TET1: variants seen among roughly 807,000 people sequenced by gnomAD.
TET1 encodes the protein methylcytosine dioxygenase TET1.
Under a neutral mutation model 148.7 loss-of-function variants are expected in TET1, and 13 were observed. The ratio of observed to expected loss-of-function variants is 0.09; its 90% CI spans 0.06 to 0.14. TET1 has a LOEUF of 0.14. Among genes scored for constraint, TET1 ranks in the 10% least tolerant of loss-of-function variants. The probability of loss-of-function intolerance (pLI) is 1.00; values close to 1 mark genes in which losing one functional copy is unlikely to be tolerated. For synonymous variants in TET1, 907 were observed against 937.2 expected (o/e 0.97, Z 0.59); for missense variants, 2,182 against 2,553.8 (o/e 0.85, Z 3.14).
intron 4 of TET1, among the ~76,000 whole-genome samples, chr10:68,648,072 A>T (rs924773218): frequency 6.6e-6 from 1 of 152,228 alleles, no homozygotes; most frequent in African/African-American, 2.4e-5. Flanking sequence ...AAGAATAACC[A>T]GTGTGCTAAC....
rs765482801 is a variant in TET1 at position 68,645,396 on chromosome 10, G to A, written c.2667G>A (p.Glu889=). 4.3e-6 allele frequency: 7 copies of A among 1,614,058 alleles called. No individual in the cohort carries two copies. Among genetic ancestry groups the A allele is most frequent in the Non-Finnish European group, 5.9e-6 (7 of 1,180,040 alleles). Residue 889 remains glutamate, a synonymous_variant, in exon 4 of 12, where the codon GAG becomes GAA. Coordinates refer to ENST00000373644, the MANE Select transcript of TET1 (RefSeq NM_030625.3). The stretch of plus-strand genomic sequence containing the variant: ...TGAAAGATAGGAGATTAACATTGGA[G>A]CAAGTGGTAGCCATAGAGGCCCTGA... ...SLMKDRRLTL[E]QVVAIEALTQ... is the part of the protein sequence containing the mutation.
chr10:68,589,308 T>TTCATTA (rs2053893405), intron 2 of TET1, among the ~76,000 whole-genome samples: 1 of 152,156 alleles, frequency 6.6e-6, no homozygotes, highest in South Asian at 2.1e-4. Context: ...GATTATCAAT[T>TTCATTA]TCATTATCAC....
intron 2 of TET1, among the ~76,000 whole-genome samples, chr10:68,594,899 A>G: frequency 6.6e-6 from 1 of 151,566 alleles, no homozygotes; most frequent in African/African-American, 2.4e-5. Context: ...GAATCCCTTG[A>G]ACCCGGGAGG....
At chr10:68,665,576 GA>G in intron 6 of TET1, among the ~76,000 whole-genome samples, 1 of 152,130 alleles carries the variant, frequency 6.6e-6, no homozygotes, top group South Asian at 2.1e-4. Flanking sequence ...GGAATATCCA[GA>G]AAAGGCACAA....
chr10:68,660,173 C>G (rs757639109), intron 6 of TET1, among the ~76,000 whole-genome samples: 35 of 152,132 alleles, frequency 2.3e-4, no homozygotes, highest in South Asian at 1.0e-3. Context: ...ACGAATCACC[C>G]TATTCCCTTT....
At chr10:68,632,772 A>T (rs2054593549) in intron 3 of TET1, 2 of 1,491,628 alleles carry the variant, frequency 1.3e-6, no homozygotes. Flanking sequence ...CGAAGTTAAG[A>T]TCAACCACAT....
intron 3 of TET1, among the ~76,000 whole-genome samples, chr10:68,627,499 G>T (rs2054502483): frequency 6.6e-6 from 1 of 152,178 alleles, no homozygotes; most frequent in African/African-American, 2.4e-5. Context: ...GGGAGGCTGA[G>T]TTAGGAGAAT....
chr10:68,609,096 C>T (rs550190243), intron 3 of TET1, among the ~76,000 whole-genome samples: 6 of 152,180 alleles, frequency 3.9e-5, no homozygotes, highest in African/African-American at 1.4e-4. Flanking sequence ...CTACTGGGCT[C>T]ACGTGATCTT....
chr10:68,652,732 C>T (rs1169618960), intron 6 of TET1, 138 bp downstream of exon 6: 11 of 574,620 alleles, frequency 1.9e-5, no homozygotes, highest in African/African-American at 3.8e-5. Context: ...TTTGTCGCCC[C>T]GGCTGGATTG....
chr10:68,625,051 G>A (rs1403649226), intron 3 of TET1, among the ~76,000 whole-genome samples: 12 of 152,146 alleles, frequency 7.9e-5, no homozygotes, highest in Admixed American at 7.9e-4. Context: ...CTTACTGTAT[G>A]TTCTCTTACA....
At chr10:68,612,605 G>C (rs558209303) in intron 3 of TET1, among the ~76,000 whole-genome samples, 1 of 151,954 alleles carries the variant, frequency 6.6e-6, no homozygotes, top group South Asian at 2.1e-4. Context: ...TATTCTATAT[G>C]TATGGGGGTT....
chr10:68,602,540 T>A (rs2132879877), intron 3 of TET1, among the ~76,000 whole-genome samples: 1 of 152,332 alleles, frequency 6.6e-6, no homozygotes, highest in East Asian at 1.9e-4. Flanking sequence ...CTGCCTTGGC[T>A]AGGAAGTAGA....
intron 7 of TET1, among the ~76,000 whole-genome samples, chr10:68,670,808 G>A (rs1043449924): frequency 2.0e-5 from 3 of 151,996 alleles, no homozygotes; most frequent in African/African-American, 7.2e-5. Flanking sequence ...GCTAAGTTAC[G>A]TATCAGGCAT....
chr10:68,654,582 A>T (rs1469884692), intron 6 of TET1, among the ~76,000 whole-genome samples: 1 of 152,188 alleles, frequency 6.6e-6, no homozygotes, highest in Admixed American at 6.5e-5. Flanking sequence ...GTGCCTCTGC[A>T]CTCCAGCCTG....
At position 68,641,305 on chromosome 10, in the gene TET1, C is replaced by T. The variant is rs376278160; in HGVS notation, c.1969-3393C>T. Among the ~76,000 whole-genome samples, 9 of 151,718 alleles carry T rather than the reference C, an allele frequency of 5.9e-5. No individual in the cohort carries two copies. The East Asian group carries it at 1.4e-3, about 23-fold the overall frequency. On this transcript the variant is annotated intron_variant, in intron 3 of 11. Coordinates refer to ENST00000373644, the MANE Select transcript of TET1 (RefSeq NM_030625.3). ...GCAACCTCTACCTCCTGGGTTCAAGCGATTCTCCTGCCTGAGAGGCAGGGT... is the reference window on the plus strand; with the variant it reads ...GCAACCTCTACCTCCTGGGTTCAAGTGATTCTCCTGCCTGAGAGGCAGGGT...
chr10:68,618,416 C>G (rs1199005982), intron 3 of TET1, among the ~76,000 whole-genome samples: 2 of 152,160 alleles, frequency 1.3e-5, no homozygotes, highest in Non-Finnish European at 2.9e-5. Flanking sequence ...CCTTCTTTAT[C>G]TTGCCCTTCC....
intron 7 of TET1, among the ~76,000 whole-genome samples, chr10:68,670,303 T>C (rs1164199193): frequency 6.6e-6 from 1 of 152,214 alleles, no homozygotes; most frequent in Non-Finnish European, 1.5e-5. Flanking sequence ...TAATCCTTTT[T>C]GTTTTCTCAG....
chr10:68,683,744 A>G (rs2055471685), intron 10 of TET1, among the ~76,000 whole-genome samples: 1 of 152,152 alleles, frequency 6.6e-6, no homozygotes, highest in Non-Finnish European at 1.5e-5. Context: ...CTGCTATCAA[A>G]CTAGTAGGTA....
intron 3 of TET1, among the ~76,000 whole-genome samples, chr10:68,609,457 G>A (rs956934715): frequency 4.0e-5 from 6 of 151,842 alleles, no homozygotes; most frequent in East Asian, 1.9e-4. Flanking sequence ...CACTGCCCCC[G>A]GCCAAGCCTG....
Sources: gnomAD v4.1 joint callset for allele counts (sites outside exome capture counted in the v4.1 genomes callset) on GRCh38, gnomAD v4.1.1 for gene constraint, MANE v1.5 for transcripts, NCBI Gene and HGNC (gene_info 2026-07-23, HGNC 2026-07-21) for gene names.